Variants in FLACC1 observed in about 807,000 individuals in gnomAD.
FLACC1 encodes flagellum-associated coiled-coil domain-containing protein 1.
FLACC1 carries 66 observed loss-of-function variants against 62.8 expected under a neutral mutation model. The ratio of observed to expected loss-of-function variants is 1.05; its 90% confidence interval spans 0.86 to 1.29. FLACC1 has a LOEUF of 1.29. Among genes scored for constraint, FLACC1 ranks in the 50% most tolerant of loss-of-function variants. FLACC1 has a pLI of 0.00. For synonymous variants in FLACC1, 156 were observed against 161.0 expected (o/e 0.97, Z 0.24); for missense variants, 452 against 489.1 (o/e 0.92, Z 0.71).
chr2:201,345,450 TTGTGTGTGTGTGTG>T (rs56229607), intron 5 of FLACC1, among the ~76,000 whole-genome samples: 4 of 144,196 alleles, frequency 2.8e-5, no homozygotes, highest in African/African-American at 5.1e-5. Context: ...AGGTAGATGA[TTGTGTGTGTGTGTG>T]TGTGTGTGTG....
chr2:201,345,252 G>A (rs1441759879), intron 5 of FLACC1, among the ~76,000 whole-genome samples: 1 of 152,156 alleles, frequency 6.6e-6, no homozygotes, highest in Non-Finnish European at 1.5e-5. Flanking sequence ...TGGGTGGGAA[G>A]ACAAGATAAG....
At chr2:201,313,145 A>G (rs1289804996) in intron 9 of FLACC1, among the ~76,000 whole-genome samples, 1 of 152,222 alleles carries the variant, frequency 6.6e-6, no homozygotes, top group East Asian at 1.9e-4. Context: ...CTCAGAAAAC[A>G]TCACAGGGAG....
upstream of FLACC1, among the ~76,000 whole-genome samples, chr2:201,359,019 G>C (rs1268550704): frequency 6.6e-6 from 1 of 152,208 alleles, no homozygotes; most frequent in Non-Finnish European, 1.5e-5. Flanking sequence ...GAAGCAATTG[G>C]AAGGGCCAGG....
At position 201,288,582 on chromosome 2, in the gene FLACC1, C is replaced by T; in HGVS notation, c.*73G>A. ...CATTATATGCATTTTCTCAAGAAAA[C>T]CCTCCCAGGAGTTTCCTGGGCCTAC... is the stretch of plus-strand genomic sequence containing the variant. On this transcript the variant is annotated 3_prime_UTR_variant, in exon 15 of 15. Transcript: ENST00000392257. 2.6e-6 allele frequency: 4 copies of T among 1,547,140 alleles called. No individual in the cohort carries two copies. The highest frequency in any genetic ancestry group is 3.5e-6 in the Non-Finnish European group (4 of 1,143,254).
the FLACC1 span, among the ~76,000 whole-genome samples, chr2:201,363,622 G>T: frequency 6.6e-6 from 1 of 151,572 alleles, no homozygotes; most frequent in Non-Finnish European, 1.5e-5. Flanking sequence ...CTCCTACGCA[G>T]AGGTCTTGGT....
intron 9 of FLACC1, among the ~76,000 whole-genome samples, chr2:201,327,497 C>A (rs1191380204): frequency 6.6e-6 from 1 of 151,934 alleles, no homozygotes; most frequent in African/African-American, 2.4e-5. Context: ...AAAAAGTGGG[C>A]AAATGACATG....
At chr2:201,361,161 C>A (rs1391014520), upstream of FLACC1, among the ~76,000 whole-genome samples, 1 of 152,140 alleles carries the variant, frequency 6.6e-6, no homozygotes, top group Admixed American at 6.5e-5. Context: ...GGAACCATAA[C>A]CCTAAAGATT....
At chr2:201,315,884 C>G (rs1950298277) in intron 9 of FLACC1, among the ~76,000 whole-genome samples, 2 of 152,080 alleles carry the variant, frequency 1.3e-5, no homozygotes, top group African/African-American at 4.8e-5. Flanking sequence ...AACTGGAAAT[C>G]AACTCCAAAA....
At chr2:201,361,551 A>G (rs1576492653), upstream of FLACC1, among the ~76,000 whole-genome samples, 1 of 152,216 alleles carries the variant, frequency 6.6e-6, no homozygotes, top group Admixed American at 6.5e-5. Flanking sequence ...ACATTGTGCA[A>G]TATGCATCCT....
rs527826317 is a variant in FLACC1, at chr2:201,333,602, T to C, written c.525-2769A>G. Among the ~76,000 whole-genome samples the C allele has an allele frequency of 2.3e-5, 3 of 132,088 alleles. No individual in the cohort carries two copies. The South Asian group carries it at 7.7e-4, about 34-fold the overall frequency. The allele number at this position is 132,088 out of a possible 152,430, so 86.7% of individuals were successfully genotyped here. A position where few individuals can be genotyped will look rare whatever the true frequency, so the allele number is the denominator to read the frequency against. On this transcript the variant is annotated intron_variant, in intron 7 of 14. Coordinates refer to ENST00000392257, the MANE Select transcript of FLACC1 (RefSeq NM_001127391.3). ...CCAGAGTGTGATGTTCCCCTTCCTG[T>C]GTCCATGTGTTCTCGTTGTTCAATT...
At chr2:201,341,405 AT>A (rs1405175257) in intron 7 of FLACC1, among the ~76,000 whole-genome samples, 1 of 149,266 alleles carries the variant, frequency 6.7e-6, no homozygotes, top group African/African-American at 2.4e-5. Context: ...ATATATATAT[AT>A]ATATAAATCA....
chr2:201,348,380 C>T (rs377577216), intron 3 of FLACC1, 78 bp from the exon 4 acceptor site: 40 of 1,449,962 alleles, frequency 2.8e-5, no homozygotes, highest in African/African-American at 1.7e-4. Flanking sequence ...ACCCTGAGGC[C>T]GCCACCATCT....
In FLACC1 at chr2:201,346,404, G is replaced by T; in HGVS notation, c.368+138C>A. 8.3e-7 allele frequency: 1 copy of T among 1,210,392 alleles called. No homozygotes were observed. The highest frequency in any genetic ancestry group is 1.2e-6 in the Non-Finnish European group (1 of 867,384). The allele number at this position is 1,210,392 out of a possible 1,614,324, so 75.0% of individuals were successfully genotyped here. A position where few individuals can be genotyped will look rare whatever the true frequency, so the allele number is the denominator to read the frequency against. ...ATCATCAGGAAGCAGGGGCGAGGAG[G>T]GAGGTGCCCTTGCGGCCCCTCCAGA... On this transcript the variant is annotated intron_variant, in intron 5 of 14. Coordinates refer to ENST00000392257, the MANE Select transcript of FLACC1 (RefSeq NM_001127391.3). The surrounding 1 kb of genome is among the most constrained non-coding windows in gnomAD (Gnocchi z 4.0).
chr2:201,308,533 C>T (rs1031003869), intron 10 of FLACC1, among the ~76,000 whole-genome samples: 1 of 152,276 alleles, frequency 6.6e-6, no homozygotes, highest in Non-Finnish European at 1.5e-5. Context: ...AGGTCCCACT[C>T]CTACCTCAAC....
chr2:201,323,805 T>TAAAAAAAAAAAA (rs1576447085), intron 9 of FLACC1, among the ~76,000 whole-genome samples: 33 of 79,320 alleles, frequency 4.2e-4, no homozygotes, highest in South Asian at 1.7e-3. Flanking sequence ...AAAAAAAAAG[T>TAAAAAAAAAAAA]AAGGAAGGAA....
In FLACC1 at chr2:201,331,014, G is replaced by A. The variant is rs549369673; in HGVS notation, c.525-181C>T. On this transcript the variant is annotated intron_variant, in intron 7 of 14. Transcript: ENST00000392257. ...AGTCAGAGTCTCCCTCTGTTGCCCA[G>A]AGTGAGTGTGGTGGCATGGTCACAG... 2.0e-5 allele frequency among the ~76,000 whole-genome samples: 3 copies of A among 148,158 alleles called. No individual in the cohort carries two copies. In the East Asian group the frequency reaches 5.9e-4, roughly 29 times the overall value.
At chr2:201,353,431 A>G (rs777640357) in intron 1 of FLACC1, among the ~76,000 whole-genome samples, 2 of 152,240 alleles carry the variant, frequency 1.3e-5, no homozygotes, top group Non-Finnish European at 2.9e-5. Flanking sequence ...CCAAAGAAAT[A>G]GATAGCAGAG....
intron 7 of FLACC1, among the ~76,000 whole-genome samples, chr2:201,340,089 T>TTAA (rs1458075892): frequency 5.9e-5 from 9 of 152,174 alleles, no homozygotes; most frequent in Admixed American, 1.3e-4. Flanking sequence ...TTGAGTGGGC[T>TTAA]TAATCTCAGA....
At chr2:201,331,695 G>T (rs1266472438) in intron 7 of FLACC1, among the ~76,000 whole-genome samples, 1 of 152,210 alleles carries the variant, frequency 6.6e-6, no homozygotes, top group Non-Finnish European at 1.5e-5. Flanking sequence ...TTTGCCCAAG[G>T]TTAGGGATGG....
Sources: allele counts gnomAD v4.1 joint callset (sites outside exome capture counted in the v4.1 genomes callset), GRCh38; gene constraint gnomAD v4.1.1; non-coding constraint Gnocchi (gnomAD v3.1); transcripts MANE v1.5; gene names NCBI Gene and HGNC (gene_info 2026-07-23, HGNC 2026-07-21).